The following DRC7 variants were observed in gnomAD, a reference collection of about 807,000 sequenced individuals.
DRC7 encodes dynein regulatory complex subunit 7, also known as coiled-coil domain containing 135.
A neutral mutation model predicts 104.4 loss-of-function variants in DRC7; 80 were observed. The observed-to-expected ratio is 0.77, with a 90% CI of 0.64 to 0.92. DRC7 has a LOEUF of 0.92. Among genes scored for constraint, DRC7 ranks in the 40% least tolerant of loss-of-function variants. DRC7 has a pLI of 0.00. For synonymous variants in DRC7, 405 were observed against 447.3 expected (o/e 0.91, Z 1.19); for missense variants, 1,034 against 1,141.1 (o/e 0.91, Z 1.35).
At position 57,723,079 on chromosome 16, in the gene DRC7, A is replaced by G; in HGVS notation, c.1486A>G (p.Thr496Ala). 4 of 1,613,852 alleles carry G rather than the reference A, an allele frequency of 2.5e-6. No homozygotes were observed. The highest frequency in any genetic ancestry group is 3.4e-6 in the Non-Finnish European group (4 of 1,179,996). ...MLELKHINKT[T>A]DLKTDYFKPG... ...GGAGCTGAAACACATAAACAAGACC[A>G]CAGACCTGAAGACAGACTACTTCAA... The change falls in exon 12 of 19, where the codon ACA becomes GCA. Residue 496 changes from threonine to alanine, a missense_variant. Transcript: ENST00000360716.
rs144451928 is a variant in DRC7 at position 57,724,825 on chromosome 16, G to A, written c.1748G>A (p.Arg583Gln). 3.0e-5 allele frequency: 48 copies of A among 1,612,750 alleles called. No homozygotes were observed. The highest frequency in any genetic ancestry group is 1.6e-4 in the Middle Eastern group (1 of 6,062). ...LTLSSAESNPRPIVKITERFF... is the reference protein window; with the variant it reads ...LTLSSAESNPQPIVKITERFF... ...CTGAGCAGTGCAGAGTCAAACCCCCGGCCCATTGTGGTAAGAGCTCGCGGG... is the reference window on the plus strand; with the variant it reads ...CTGAGCAGTGCAGAGTCAAACCCCCAGCCCATTGTGGTAAGAGCTCGCGGG... Residue 583 changes from arginine to glutamine, a missense_variant, in exon 13 of 19, where the codon CGG (arginine) becomes CAG (glutamine). Arg to Gln is a conservative substitution (Grantham distance 43). Coordinates refer to ENST00000360716, the MANE Select transcript of DRC7 (RefSeq NM_001289162.2).
At position 57,698,092 on chromosome 16, in the gene DRC7, C is replaced by T. The variant is rs151301678; in HGVS notation, c.143C>T (p.Thr48Met). The T allele has an allele frequency of 6.4e-5, 103 of 1,614,126 alleles. No homozygotes were observed. Among genetic ancestry groups the T allele is most frequent in the African/African-American group, 4.0e-4 (30 of 75,040 alleles). Residue 48 changes from threonine (T) to methionine (M), a missense_variant, in exon 3 of 19, where the codon ACG (threonine) becomes ATG (methionine). Transcript: ENST00000360716. ...RKEEITLKQETLRDLEKKLSE... is the reference protein window; with the variant it reads ...RKEEITLKQEMLRDLEKKLSE... ...GAGGAAATCACCTTAAAGCAGGAGA[C>T]GCTCAGAGACCTGGAGAAGAAGCTG...
chr16:57,708,668 G>C (rs183854699), intron 8 of DRC7, among the ~76,000 whole-genome samples: 20 of 152,288 alleles, frequency 1.3e-4, no homozygotes, highest in African/African-American at 3.1e-4. Context: ...AGTTTTAGTA[G>C]ATACTGCCCG....
intron 7 of DRC7, among the ~76,000 whole-genome samples, chr16:57,707,144 C>T (rs2048740633): frequency 1.3e-5 from 2 of 152,306 alleles, no homozygotes; most frequent in African/African-American, 2.4e-5. Flanking sequence ...TACTTGGTCT[C>T]CCATTTCCTT....
chr16:57,723,134 C>T lies in DRC7; in HGVS notation c.1537+4C>T, dbSNP rs139945134. 2.6e-3 allele frequency: 4,236 copies of T among 1,612,622 alleles called. 126 individuals carry two copies. In the Admixed American group the frequency reaches 0.053, roughly 20 times the overall value. ...GGCCACCCCCAGGCTCTGCGCGGTG[C>T]GTGGCTCCCCTTTCCTGGGCCACCC... On this transcript the variant is annotated splice_donor_region_variant and intron_variant, in intron 12 of 18. Transcript: ENST00000360716.
chr16:57,712,124 A>C (rs1331297025), intron 8 of DRC7, among the ~76,000 whole-genome samples: 1 of 152,202 alleles, frequency 6.6e-6, no homozygotes, highest in Non-Finnish European at 1.5e-5. Context: ...TTTCTCCCAA[A>C]GTTAGTTCAG....
chr16:57,722,377 G>C (rs1226125433), intron 10 of DRC7, among the ~76,000 whole-genome samples: 1 of 152,158 alleles, frequency 6.6e-6, no homozygotes. Flanking sequence ...GAAGGAGTCA[G>C]TCCAACAAGG....
chr16:57,722,607 G>A, intron 10 of DRC7, 106 bp from the exon 11 acceptor site: 2 of 1,482,142 alleles, frequency 1.3e-6, no homozygotes, highest in Non-Finnish European at 1.8e-6. Context: ...GGCTGGAGGA[G>A]TTCAGTACAC....
intron 17 of DRC7, 90 bp from the exon 18 acceptor site, chr16:57,730,841 G>C: frequency 7.1e-7 from 1 of 1,403,770 alleles, no homozygotes; most frequent in South Asian, 1.3e-5. Context: ...CCGTCATGGT[G>C]CTGTCTAGTG....
In DRC7 at chr16:57,723,133, G is replaced by A. The variant is rs1364764890; in HGVS notation, c.1537+3G>A. 1.2e-6 allele frequency: 2 copies of A among 1,612,956 alleles called. No individual in the cohort carries two copies. The highest frequency in any genetic ancestry group is 1.7e-6 in the Non-Finnish European group (2 of 1,179,532). On this transcript the variant is annotated splice_donor_region_variant and intron_variant, in intron 12 of 18. Transcript: ENST00000360716. ...TGGCCACCCCCAGGCTCTGCGCGGT[G>A]CGTGGCTCCCCTTTCCTGGGCCACC...
At chr16:57,729,602 A>G (rs1251093349) in intron 17 of DRC7, among the ~76,000 whole-genome samples, 2 of 37,926 alleles carry the variant, frequency 5.3e-5, no homozygotes, top group Admixed American at 3.3e-4. Context: ...GGATGGATGG[A>G]TGGGTGAGTG....
intron 3 of DRC7, 58 bp from the exon 4 acceptor site, chr16:57,698,792 A>G: frequency 6.4e-7 from 1 of 1,563,028 alleles, no homozygotes; most frequent in Non-Finnish European, 8.7e-7. Context: ...ACTCAGTGGA[A>G]CCAGGGCTCC....
At chr16:57,716,024 G>A (rs1293036650) in intron 8 of DRC7, among the ~76,000 whole-genome samples, 1 of 152,226 alleles carries the variant, frequency 6.6e-6, no homozygotes, top group East Asian at 1.9e-4. Context: ...AGGGGTTGGA[G>A]GAGGATGGCA....
intron 9 of DRC7, among the ~76,000 whole-genome samples, chr16:57,721,419 C>T (rs992330236): frequency 2.6e-5 from 4 of 152,126 alleles, no homozygotes; most frequent in Admixed American, 1.3e-4. Context: ...TCTCTAATCA[C>T]GAAGGGCCTG....
intron 16 of DRC7, 135 bp from the exon 17 acceptor site, chr16:57,728,255 G>A (rs1436883355): frequency 2.7e-6 from 2 of 741,218 alleles, no homozygotes; most frequent in African/African-American, 1.8e-5. Flanking sequence ...CCCTTCTAAG[G>A]CCCATCTTGG....
intron 9 of DRC7, 37 bp downstream of exon 9, chr16:57,718,512 G>A (rs1021389920): frequency 6.2e-7 from 1 of 1,610,186 alleles, no homozygotes; most frequent in South Asian, 1.1e-5. Flanking sequence ...GGGAATGTGT[G>A]TGAAGGCTTC....
Position 57,723,120 on chromosome 16 carries a change from G to C in DRC7, c.1527G>C (p.Gln509His). The change falls in exon 12 of 19, where the codon CAG becomes CAC. Residue 509 changes from glutamine to histidine, a missense_variant. Coordinates refer to ENST00000360716, the MANE Select transcript of DRC7 (RefSeq NM_001289162.2). ...ACTACTTCAAGCCTGGCCACCCCCA[G>C]GCTCTGCGCGGTGCGTGGCTCCCCT... ...KTDYFKPGHPQALRVHSYKSM... is the reference protein window; with the variant it reads ...KTDYFKPGHPHALRVHSYKSM... 2 of 1,613,630 alleles carry C rather than the reference G, an allele frequency of 1.2e-6. No individual in the cohort carries two copies. Among genetic ancestry groups the C allele is most frequent in the South Asian group, 2.2e-5 (2 of 91,090 alleles).
chr16:57,701,156 G>C (rs2048654231), intron 5 of DRC7, among the ~76,000 whole-genome samples: 1 of 152,168 alleles, frequency 6.6e-6, no homozygotes, highest in African/African-American at 2.4e-5. Context: ...ATTCAAGCAG[G>C]GGCCTAGTAT....
chr16:57,722,319 G>A (rs565102397), intron 10 of DRC7, among the ~76,000 whole-genome samples: 1 of 152,200 alleles, frequency 6.6e-6, no homozygotes, highest in Admixed American at 6.5e-5. Flanking sequence ...GCAGAAAGGG[G>A]TACCAGAAGT....
Sources: gnomAD v4.1 joint callset for allele counts (sites outside exome capture counted in the v4.1 genomes callset) on GRCh38, gnomAD v4.1.1 for gene constraint, MANE v1.5 for transcripts, NCBI Gene and HGNC (gene_info 2026-07-23, HGNC 2026-07-21) for gene names.